Variants in NCAM1 observed in about 807,000 individuals in gnomAD.
NCAM1 encodes antigen recognized by monoclonal antibody 5.1H11.
In NCAM1, 14 loss-of-function variants were observed where a neutral mutation model predicts 109.8. That is an observed-to-expected ratio of 0.13 (90% CI 0.08 to 0.20). The LOEUF is 0.20. NCAM1 is among the 10% of genes least tolerant of loss of function. The pLI is 1.00. For synonymous variants in NCAM1, 418 were observed against 442.9 expected (o/e 0.94, Z 0.70); for missense variants, 774 against 1,109.9 (o/e 0.70, Z 4.30).
At position 113,269,727 on chromosome 11, in the gene NCAM1, C is replaced by G. The variant is rs137915031; in HGVS notation, c.2132-461C>G. ...ACAACCCAACAAGCCCCAAGAAAGC[C>G]CCAGGAACCCTCCACCACCCCATTT... On this transcript the variant is annotated intron_variant, in intron 17 of 19. Coordinates refer to ENST00000316851, the MANE Select transcript of NCAM1 (RefSeq NM_181351.5). The G allele has an allele frequency of 7.9e-3, 1,657 of 210,164 alleles. 14 individuals are homozygous for G. The highest frequency in any genetic ancestry group is 0.017 in the Admixed American group (316 of 19,040). 13.0% of individuals were successfully genotyped at this position (210,164 alleles called of 1,614,324 possible).
At chr11:113,197,361 C>A (rs1943888192) in intron 1 of NCAM1, 1 of 154,716 alleles carries the variant, frequency 6.5e-6, no homozygotes, top group African/African-American at 2.4e-5. Flanking sequence ...TTGAAAAATA[C>A]AAAAACAATT....
chr11:113,219,462 A>G (rs1381369964), intron 8 of NCAM1, among the ~76,000 whole-genome samples: 1 of 152,270 alleles, frequency 6.6e-6, no homozygotes, highest in Non-Finnish European at 1.5e-5. Context: ...GTGTAAGACA[A>G]TAAAATATGA....
intron 1 of NCAM1, among the ~76,000 whole-genome samples, chr11:113,125,381 C>A (rs1555096854): frequency 6.6e-6 from 1 of 152,178 alleles, no homozygotes; most frequent in African/African-American, 2.4e-5. Context: ...CAGCATATTT[C>A]ATTTATAAGA....
At chr11:113,178,203 A>G (rs1205787723) in intron 1 of NCAM1, among the ~76,000 whole-genome samples, 1 of 152,160 alleles carries the variant, frequency 6.6e-6, no homozygotes, top group Non-Finnish European at 1.5e-5. Context: ...AAGGAGAGAC[A>G]AAAAGTGAAC....
chr11:113,174,008 T>C (rs1943074026), intron 1 of NCAM1, among the ~76,000 whole-genome samples: 9 of 152,140 alleles, frequency 5.9e-5, no homozygotes, highest in Admixed American at 5.9e-4. Flanking sequence ...GTTACCTTTG[T>C]CATTGTGTAT....
intron 1 of NCAM1, among the ~76,000 whole-genome samples, chr11:113,117,411 C>T (rs1173849833): frequency 6.6e-6 from 1 of 151,952 alleles, no homozygotes; most frequent in Non-Finnish European, 1.5e-5. Context: ...CAGCATTCAG[C>T]CTGGGGTACA....
At chr11:113,130,433 T>C (rs1055051517) in intron 1 of NCAM1, among the ~76,000 whole-genome samples, 2 of 152,160 alleles carry the variant, frequency 1.3e-5, no homozygotes, top group Non-Finnish European at 2.9e-5. Context: ...AATTAAACAG[T>C]ATGCCACAAA....
intron 1 of NCAM1, among the ~76,000 whole-genome samples, chr11:113,165,061 A>T: frequency 6.6e-6 from 1 of 152,214 alleles, no homozygotes; most frequent in Non-Finnish European, 1.5e-5. Flanking sequence ...ACGATATCAC[A>T]GGGACCCACT....
intron 11 of NCAM1, 97 bp from the exon 12 acceptor site, chr11:113,232,621 A>G (rs1945044894): frequency 7.9e-6 from 8 of 1,016,646 alleles, no homozygotes; most frequent in South Asian, 5.5e-5. Flanking sequence ...ATACTTTACT[A>G]GTTCTGTTTT....
rs1446219634 is a variant in NCAM1 at position 113,104,206 on chromosome 11, GT to G, written c.53-98172del. 1.4e-3 allele frequency among the ~76,000 whole-genome samples: 156 copies of G among 110,186 alleles called. 1 individual carries two copies. The highest frequency in any genetic ancestry group is 4.4e-3 in the Middle Eastern group (1 of 228). The allele number at this position is 110,186 out of a possible 152,430, so 72.3% of individuals were successfully genotyped here. A position where few individuals can be genotyped will look rare whatever the true frequency, so the allele number is the denominator to read the frequency against. On this transcript the variant is annotated intron_variant, in intron 1 of 19. Coordinates refer to ENST00000316851, the MANE Select transcript of NCAM1 (RefSeq NM_181351.5). ...GGAGAACAGGTGAAGAGGAGGTGGG[GT>G]GGGGGGGGGGGCGGGGTGGTGGTGG...
At chr11:113,264,482 G>A (rs375725108) in intron 17 of NCAM1, 23 of 985,582 alleles carry the variant, frequency 2.3e-5, no homozygotes, top group African/African-American at 7.0e-5. Flanking sequence ...CCCAGATGGC[G>A]CTTCACACCA....
At chr11:113,043,618 G>A (rs782123301) in intron 1 of NCAM1, among the ~76,000 whole-genome samples, 2 of 152,200 alleles carry the variant, frequency 1.3e-5, no homozygotes, top group East Asian at 1.9e-4. Flanking sequence ...TTACAGGCAT[G>A]AGCCACAGTG....
At chr11:113,058,620 C>T (rs775862150) in intron 1 of NCAM1, among the ~76,000 whole-genome samples, 3 of 152,118 alleles carry the variant, frequency 2.0e-5, no homozygotes, top group African/African-American at 4.8e-5. Flanking sequence ...ATTTAGAGTT[C>T]GACTTTCTTT....
rs892315921 is a variant in NCAM1 at position 113,232,582 on chromosome 11, G to A, written c.1426-136G>A. The stretch of plus-strand genomic sequence containing the variant: ...AGCCCCTCTGCTATTCTTTTCTCTT[G>A]TTTAAGGCTGGGCTGGAGCTAATGA... On this transcript the variant is annotated intron_variant, in intron 11 of 19. Transcript: ENST00000316851. 1.9e-5 allele frequency: 16 copies of A among 838,304 alleles called. No homozygotes were observed. The Admixed American group carries it at 3.9e-4, about 21-fold the overall frequency. 51.9% of individuals were successfully genotyped at this position (838,304 alleles called of 1,614,324 possible).
At chr11:113,161,749 C>T (rs1942607772) in intron 1 of NCAM1, among the ~76,000 whole-genome samples, 1 of 152,174 alleles carries the variant, frequency 6.6e-6, no homozygotes, top group Non-Finnish European at 1.5e-5. Flanking sequence ...CCCCTTTGCC[C>T]ATCATTCAGC....
intron 7 of NCAM1, among the ~76,000 whole-genome samples, chr11:113,214,120 C>T (rs1467159608): frequency 1.3e-5 from 2 of 152,252 alleles, no homozygotes; most frequent in African/African-American, 4.8e-5. Flanking sequence ...CCGCCATGTC[C>T]TGCCTCCTGC....
intron 1 of NCAM1, among the ~76,000 whole-genome samples, chr11:113,092,609 G>A (rs180691602): frequency 2.0e-5 from 3 of 152,174 alleles, no homozygotes; most frequent in African/African-American, 7.2e-5. Flanking sequence ...GTCTATTATT[G>A]GTCTTTAAAT....
rs1007959488 is a variant in NCAM1 at position 112,999,571 on chromosome 11, T to A, written c.52+37907T>A. Reference sequence around the variant, plus strand: ...TTTCATGTTTTGCAGAGATTTTTTTTAAATAAAAAAATAGAGAAAAGTGGA... The same window carrying A: ...TTTCATGTTTTGCAGAGATTTTTTTAAAATAAAAAAATAGAGAAAAGTGGA... On this transcript the variant is annotated intron_variant, in intron 1 of 19. Transcript: ENST00000316851. 8.5e-5 allele frequency among the ~76,000 whole-genome samples: 13 copies of A among 152,228 alleles called. No homozygotes were observed. The South Asian group carries it at 1.2e-3, about 15-fold the overall frequency.
At chr11:113,167,795 A>C (rs1440414363) in intron 1 of NCAM1, among the ~76,000 whole-genome samples, 3 of 152,188 alleles carry the variant, frequency 2.0e-5, no homozygotes, top group African/African-American at 2.4e-5. Context: ...CCAGGTTGGC[A>C]GGCGGACTTT....
Sources: gnomAD v4.1 joint callset for allele counts (sites outside exome capture counted in the v4.1 genomes callset) on GRCh38, gnomAD v4.1.1 for gene constraint, MANE v1.5 for transcripts, NCBI Gene and HGNC (gene_info 2026-07-23, HGNC 2026-07-21) for gene names.